Variants in GFRA1 observed in about 807,000 individuals in gnomAD.
The protein encoded by GFRA1 is GDNF family receptor alpha-1.
In GFRA1, 16 loss-of-function variants were observed where a neutral mutation model predicts 51.6. That is an observed-to-expected ratio of 0.31 (90% CI 0.21 to 0.47). The LOEUF is 0.47. Ranked by LOEUF, GFRA1 falls within the 20% of genes least tolerant of loss-of-function variation. GFRA1 has a pLI of 1.00. For missense variants in GFRA1, 530 were observed against 594.3 expected, an observed-to-expected ratio of 0.89 and a Z score of 1.13; for synonymous variants, 270 against 241.3, an observed-to-expected ratio of 1.12 and a Z score of -1.10.
rs201922795 is a variant in GFRA1, at chr10:116,150,325, T to TA, written c.434-24769dup. Among the ~76,000 whole-genome samples, 28 of 151,584 alleles carry TA rather than the reference T, an allele frequency of 1.8e-4. No homozygotes were observed. The South Asian group carries it at 2.3e-3, about 12-fold the overall frequency. On this transcript the variant is annotated intron_variant, in intron 5 of 10. Coordinates refer to ENST00000355422, the MANE Select transcript of GFRA1 (RefSeq NM_005264.8). ...TCCTTGCTGTCACATTGCTCTTCCTTAAAAAAAAACTCTGGCCCTACTTCA... is the reference window on the plus strand; with the variant it reads ...TCCTTGCTGTCACATTGCTCTTCCTTAAAAAAAAAACTCTGGCCCTACTTCA...
intron 9 of GFRA1, among the ~76,000 whole-genome samples, chr10:116,086,385 G>A (rs1000548536): frequency 1.2e-4 from 18 of 152,156 alleles, no homozygotes; most frequent in African/African-American, 4.1e-4. Context: ...ATTCTGGAAC[G>A]TTTACTCTGC....
Position 116,259,303 on chromosome 10 carries a change from G to T in GFRA1, c.418+10200C>A, listed in dbSNP as rs927137065. ...GAATAGCACATTAGGGCACCTTAAAGTGGGACTCAACTATGTATTCCTTTT... is the reference window on the plus strand; with the variant it reads ...GAATAGCACATTAGGGCACCTTAAATTGGGACTCAACTATGTATTCCTTTT... On this transcript the variant is annotated intron_variant, in intron 4 of 10. Transcript: ENST00000355422. Among the ~76,000 whole-genome samples, 4 of 148,536 alleles carry T rather than the reference G, an allele frequency of 2.7e-5. No homozygotes were observed. The East Asian group carries it at 8.1e-4, about 30-fold the overall frequency.
chr10:116,211,906 G>A (rs562509180), intron 4 of GFRA1, among the ~76,000 whole-genome samples: 22 of 152,120 alleles, frequency 1.4e-4, no homozygotes, highest in Non-Finnish European at 2.5e-4. Context: ...ATCTAAGTAC[G>A]GGAAAAATTA....
intron 6 of GFRA1, among the ~76,000 whole-genome samples, chr10:116,119,027 G>C (rs551916377): frequency 6.6e-6 from 1 of 152,214 alleles, no homozygotes; most frequent in African/African-American, 2.4e-5. Flanking sequence ...GCAGGTCATA[G>C]CTGGCTCCTG....
chr10:116,168,847 T>C (rs750356472), intron 5 of GFRA1, among the ~76,000 whole-genome samples: 2 of 152,248 alleles, frequency 1.3e-5, no homozygotes, highest in Non-Finnish European at 2.9e-5. Context: ...ATTATACTCG[T>C]ATCAGATTTT....
chr10:116,082,573 C>T (rs557466919), intron 9 of GFRA1, among the ~76,000 whole-genome samples: 2 of 152,178 alleles, frequency 1.3e-5, no homozygotes, highest in Non-Finnish European at 2.9e-5. Flanking sequence ...CTCCGCCTCC[C>T]GGATTCAAGC....
chr10:116,200,887 C>T (rs973566070), intron 5 of GFRA1, among the ~76,000 whole-genome samples: 8 of 152,160 alleles, frequency 5.3e-5, no homozygotes, highest in African/African-American at 7.2e-5. Context: ...GGGGAGAAAG[C>T]GAGTTAATGT....
chr10:116,117,401 C>T (rs1957451775), intron 6 of GFRA1, among the ~76,000 whole-genome samples: 1 of 152,094 alleles, frequency 6.6e-6, no homozygotes. Flanking sequence ...TCCCATAGCA[C>T]TTTGTCCCTT....
rs369367183 is a variant in GFRA1 at position 116,163,324 on chromosome 10, GC to G, written c.434-37768del. On this transcript the variant is annotated intron_variant, in intron 5 of 10. Transcript: ENST00000355422. ...TCCACACCAAGTGCCCACATGCCAG[GC>G]ACTTACTCGAGAAACACAAGAAGCC... is the stretch of plus-strand genomic sequence containing the variant. 4.8e-3 allele frequency among the ~76,000 whole-genome samples: 730 copies of G among 152,232 alleles called. 4 individuals are homozygous for G. Among genetic ancestry groups the G allele is most frequent in the Non-Finnish European group, 6.3e-3 (430 of 68,020 alleles).
rs1253216982 is a variant in GFRA1, at chr10:116,063,033, C to G, written c.*1365G>C. 6.6e-6 allele frequency: 1 copy of G among 152,218 alleles called. No homozygotes were observed. Among genetic ancestry groups the G allele is most frequent in the Non-Finnish European group, 1.5e-5 (1 of 68,074 alleles). 9.4% of individuals were successfully genotyped at this position (152,218 alleles called of 1,614,324 possible). On this transcript the variant is annotated 3_prime_UTR_variant, in exon 11 of 11. Transcript: ENST00000355422. ...CCTTAATGACCTTCAGACCAAACTG[C>G]TCCAAACAGTGGCCAAGACGTTGCA...
At chr10:116,267,488 A>C (rs2532692) in intron 4 of GFRA1, among the ~76,000 whole-genome samples, 59,713 of 151,892 alleles carry the variant, frequency 0.39, 12,532 homozygotes, top group East Asian at 0.6. Context: ...AACAAACAAA[A>C]AAAAAAACCA....
At chr10:116,153,475 A>T (rs1019990163) in intron 5 of GFRA1, among the ~76,000 whole-genome samples, 2 of 152,198 alleles carry the variant, frequency 1.3e-5, no homozygotes, top group Non-Finnish European at 2.9e-5. Flanking sequence ...TCCCACTTAA[A>T]TGACCCCAGA....
chr10:116,192,752 C>T (rs1305934835), intron 5 of GFRA1, among the ~76,000 whole-genome samples: 1 of 152,152 alleles, frequency 6.6e-6, no homozygotes. Context: ...GAACCCTCCA[C>T]AGTGCTGGAA....
intron 6 of GFRA1, 111 bp from the exon 7 acceptor site, chr10:116,096,875 G>GCA (rs757516182): frequency 0.012 from 5,730 of 472,172 alleles, 47 homozygotes; most frequent in East Asian, 0.11. Context: ...TTCTGCACAC[G>GCA]CACACGCACA....
intron 4 of GFRA1, among the ~76,000 whole-genome samples, chr10:116,220,946 T>C (rs1424840713): frequency 6.6e-6 from 1 of 152,182 alleles, no homozygotes; most frequent in African/African-American, 2.4e-5. Flanking sequence ...ACACCTGTTA[T>C]TTTCTTTCTC....
intron 9 of GFRA1, among the ~76,000 whole-genome samples, chr10:116,080,461 A>G (rs1179344478): frequency 6.6e-6 from 1 of 152,212 alleles, no homozygotes; most frequent in Non-Finnish European, 1.5e-5. Context: ...TACTTGTGTA[A>G]CCAAATATGA....
intron 3 of GFRA1, among the ~76,000 whole-genome samples, chr10:116,269,877 A>G (rs1843759576): frequency 1.3e-5 from 2 of 152,144 alleles, no homozygotes; most frequent in African/African-American, 4.8e-5. Flanking sequence ...GAGAGGGAAG[A>G]GCCGGTGACG....
chr10:116,116,913 G>C (rs1023862307), intron 6 of GFRA1, among the ~76,000 whole-genome samples: 2 of 152,150 alleles, frequency 1.3e-5, no homozygotes, highest in Non-Finnish European at 2.9e-5. Flanking sequence ...GAGCCATAAA[G>C]AGTGTCTGGA....
At chr10:116,253,612 G>A (rs1968570403) in intron 4 of GFRA1, among the ~76,000 whole-genome samples, 2 of 127,340 alleles carry the variant, frequency 1.6e-5, no homozygotes, top group Non-Finnish European at 3.1e-5. Context: ...TCTCTCACAA[G>A]AGAAAAAAAA....
Sources: allele counts gnomAD v4.1 joint callset (sites outside exome capture counted in the v4.1 genomes callset), GRCh38; gene constraint gnomAD v4.1.1; transcripts MANE v1.5; gene names NCBI Gene and HGNC (gene_info 2026-07-23, HGNC 2026-07-21).